IFNAR2: variants seen among roughly 807,000 people sequenced by gnomAD.
IFNAR2 encodes the protein interferon alpha/beta receptor 2.
A neutral mutation model predicts 49.4 loss-of-function variants in IFNAR2; 30 were observed. The ratio of observed to expected loss-of-function variants is 0.61; its 90% CI spans 0.45 to 0.82. The LOEUF (loss-of-function observed/expected upper bound fraction) is 0.82. Among genes scored for constraint, IFNAR2 ranks in the 40% least tolerant of loss-of-function variants. The pLI, the probability that IFNAR2 is intolerant of heterozygous loss-of-function variation, is 0.00. For missense variants in IFNAR2, 600 were observed against 622.7 expected, an observed-to-expected ratio of 0.96 and a Z score of 0.39; for synonymous variants, 224 against 234.5, an observed-to-expected ratio of 0.96 and a Z score of 0.41.
intron 6 of IFNAR2, among the ~76,000 whole-genome samples, chr21:33,250,342 T>A (rs1987754533): frequency 6.6e-6 from 1 of 152,134 alleles, no homozygotes; most frequent in East Asian, 1.9e-4. Flanking sequence ...TGTTGCTTAT[T>A]AGGATATTGA....
intron 8 of IFNAR2, chr21:33,262,458 G>A (rs2123538563): frequency 3.2e-6 from 2 of 623,796 alleles, no homozygotes; most frequent in East Asian, 5.5e-5. Flanking sequence ...GTCATGCCCA[G>A]CATATAGTAA....
rs1987064548 is a variant in IFNAR2 at position 33,242,765 on chromosome 21, GTGTGTGTGTGTGTGTGTGTGTGT to G, written c.55+789_55+811del. Among the ~76,000 whole-genome samples the G allele has an allele frequency of 4.4e-4, 4 of 9,076 alleles. 1 individual carries two copies. The highest frequency in any genetic ancestry group is 1.9e-3 in the Admixed American group (3 of 1,542). 6.0% of individuals were successfully genotyped at this position (9,076 alleles called of 152,430 possible). On this transcript the variant is annotated intron_variant, in intron 2 of 8. Coordinates refer to ENST00000342136, the MANE Select transcript of IFNAR2 (RefSeq NM_001289125.3). ...AAAAAAAAATCTCGTGTGCGTGTGT[GTGTGTGTGTGTGTGTGTGTGTGT>G]GTGTGTGTGTGTGTGTTTTGAGGCA...
At chr21:33,238,350 C>G (rs1434729933) in intron 1 of IFNAR2, among the ~76,000 whole-genome samples, 1 of 152,140 alleles carries the variant, frequency 6.6e-6, no homozygotes, top group Non-Finnish European at 1.5e-5. Flanking sequence ...CCTATGTCAC[C>G]AGCCACAGAC....
chr21:33,251,560 A>G, intron 6 of IFNAR2: 4 of 985,370 alleles, frequency 4.1e-6, no homozygotes, highest in Non-Finnish European at 4.8e-6. Flanking sequence ...TTGGGTCGTA[A>G]GTTTGTTTGT....
chr21:33,259,111 G>A (rs766875993), intron 7 of IFNAR2, among the ~76,000 whole-genome samples: 1 of 151,998 alleles, frequency 6.6e-6, no homozygotes, highest in Non-Finnish European at 1.5e-5. Context: ...TCAGCCCTCT[G>A]CTTGTGAGGT....
chr21:33,258,368 G>A (rs1056448610), intron 7 of IFNAR2, among the ~76,000 whole-genome samples: 5 of 152,252 alleles, frequency 3.3e-5, no homozygotes, highest in African/African-American at 7.2e-5. Context: ...AGCAGAGGTC[G>A]CAGAGTGAGG....
intron 2 of IFNAR2, among the ~76,000 whole-genome samples, chr21:33,242,342 T>G (rs1244805312): frequency 6.6e-6 from 1 of 152,242 alleles, no homozygotes; most frequent in Non-Finnish European, 1.5e-5. Context: ...TTATTCATAT[T>G]CTGTGAATAT....
At chr21:33,254,501 T>C (rs1237929382) in intron 7 of IFNAR2, among the ~76,000 whole-genome samples, 2 of 152,168 alleles carry the variant, frequency 1.3e-5, no homozygotes. Context: ...CAGGTGTTCT[T>C]CCTGATCCAA....
chr21:33,238,623 C>G (rs551021599), intron 1 of IFNAR2, among the ~76,000 whole-genome samples: 1 of 152,020 alleles, frequency 6.6e-6, no homozygotes, highest in African/African-American at 2.4e-5. Context: ...AAAGAAAATA[C>G]CTTTAAATCT....
rs549732296 is a variant in IFNAR2 at position 33,250,968 on chromosome 21, G to A, written c.541-1694G>A. Among the ~76,000 whole-genome samples, 14 of 152,200 alleles carry A rather than the reference G, an allele frequency of 9.2e-5. 1 individual carries two copies. Among genetic ancestry groups the A allele is most frequent in the South Asian group, 4.1e-4 (2 of 4,826 alleles). On this transcript the variant is annotated intron_variant, in intron 6 of 8. Transcript: ENST00000342136. ...GGGACATGTTAAATTCCAGGTGTCC[G>A]TAAGGAATCTAGGAGGAGACGTGGG...
In IFNAR2 at chr21:33,230,429, C is replaced by CGGGAGGG; in HGVS notation, c.-84+213_-84+214insGGGAGGG. On this transcript the variant is annotated intron_variant, in intron 1 of 8. Transcript: ENST00000342136. This position sits in a 1 kb window ranked among gnomAD's most constrained non-coding sequence, Gnocchi z 5.5. Reference sequence around the variant, plus strand: ...GGGCCGCACCTGCGACCCCAGGACCCCTCCCGGGCCCTGTCCTGCGCCCTC... The same window carrying CGGGAGGG: ...GGGCCGCACCTGCGACCCCAGGACCCGGGAGGGCTCCCGGGCCCTGTCCTGCGCCCTC... The CGGGAGGG allele has an allele frequency of 2.2e-6, 1 of 462,414 alleles. No individual in the cohort carries two copies. Among genetic ancestry groups the CGGGAGGG allele is most frequent in the Non-Finnish European group, 4.3e-6 (1 of 231,812 alleles). 28.6% of individuals were successfully genotyped at this position (462,414 alleles called of 1,614,324 possible). A position where few individuals can be genotyped will look rare whatever the true frequency, so the allele number is the denominator to read the frequency against.
intron 6 of IFNAR2, chr21:33,251,586 C>T: frequency 1.0e-6 from 1 of 985,336 alleles, no homozygotes. Flanking sequence ...AACTCCTCCT[C>T]CCAAACAGAA....
rs3191758 is a variant in IFNAR2, at chr21:33,264,956, A to C, written c.*1456A>C. On this transcript the variant is annotated 3_prime_UTR_variant, in exon 9 of 9. Coordinates refer to ENST00000342136, the MANE Select transcript of IFNAR2 (RefSeq NM_001289125.3). ...CAGTGAGCCAAGATCATGTCACTGC[A>C]CTTCAGCCTGGGTGACAGAACCAGA... 0.014 allele frequency: 2,079 copies of C among 152,424 alleles called. 30 individuals are homozygous for C. Among genetic ancestry groups the C allele is most frequent in the South Asian group, 0.062 (300 of 4,834 alleles). 9.4% of individuals were successfully genotyped at this position (152,424 alleles called of 1,614,324 possible). A position where few individuals can be genotyped will look rare whatever the true frequency, so the allele number is the denominator to read the frequency against.
intron 3 of IFNAR2, 72 bp downstream of exon 3, chr21:33,243,786 T>C: frequency 9.5e-7 from 1 of 1,048,852 alleles, no homozygotes; most frequent in South Asian, 1.3e-5. Context: ...TTCAGAGGTA[T>C]AAAATGTGGG....
chr21:33,238,062 A>G (rs112834283), intron 1 of IFNAR2, among the ~76,000 whole-genome samples: 8 of 152,270 alleles, frequency 5.3e-5, no homozygotes, highest in East Asian at 3.9e-4. Context: ...ATAACTCACA[A>G]TCTTCCTGCG....
Position 33,245,856 on chromosome 21 carries a change from T to G in IFNAR2, c.221+782T>G, listed in dbSNP as rs145299237. ...AAAAGTTTTTCTCTGCATTGAGTGG[T>G]CACATGTATCATCCAACTAACTGAA... On this transcript the variant is annotated intron_variant, in intron 4 of 8. Coordinates refer to ENST00000342136, the MANE Select transcript of IFNAR2 (RefSeq NM_001289125.3). Among the ~76,000 whole-genome samples the G allele has an allele frequency of 2.9e-3, 441 of 152,296 alleles. 3 individuals are homozygous for G. Among genetic ancestry groups the G allele is most frequent in the African/African-American group, 9.8e-3 (409 of 41,564 alleles).
chr21:33,256,065 C>G (rs985441800), intron 7 of IFNAR2, among the ~76,000 whole-genome samples: 1 of 152,150 alleles, frequency 6.6e-6, no homozygotes. Flanking sequence ...AATTAGTGAC[C>G]TGGCAGACAG....
At position 33,252,288 on chromosome 21, in the gene IFNAR2, G is replaced by T. The variant is rs540606708; in HGVS notation, c.541-374G>T. 4.1e-4 allele frequency: 186 copies of T among 456,270 alleles called. 5 individuals are homozygous for T. Among genetic ancestry groups the T allele is most frequent in the South Asian group, 3.3e-3 (181 of 54,620 alleles). 28.3% of individuals were successfully genotyped at this position (456,270 alleles called of 1,614,324 possible). A position where few individuals can be genotyped will look rare whatever the true frequency, so the allele number is the denominator to read the frequency against. On this transcript the variant is annotated intron_variant, in intron 6 of 8. Transcript: ENST00000342136. The stretch of plus-strand genomic sequence containing the variant: ...GCAGACTGTTTTGAAAGTCAAAAGG[G>T]TTAATGTTTATGAAGGCACTTTCTC...
In IFNAR2 at chr21:33,252,738, A is replaced by G; in HGVS notation, c.617A>G (p.Tyr206Cys). The G allele has an allele frequency of 1.2e-6, 2 of 1,613,188 alleles. No homozygotes were observed. Among genetic ancestry groups the G allele is most frequent in the South Asian group, 1.1e-5 (1 of 91,062 alleles). Residue 206 changes from tyrosine to cysteine, a missense_variant, in exon 7 of 9, where the codon TAC becomes TGC. By Grantham distance (194) the Tyr-to-Cys change is radical. Coordinates refer to ENST00000342136, the MANE Select transcript of IFNAR2 (RefSeq NM_001289125.3). Reference sequence around the variant, plus strand: ...GACAAGTTAATTCCAAACACGAACTACTGTGTATCTGTTTATTTAGAGCAC... The same window carrying G: ...GACAAGTTAATTCCAAACACGAACTGCTGTGTATCTGTTTATTTAGAGCAC... ...IIDKLIPNTN[Y>C]CVSVYLEHSD...
Sources: allele counts gnomAD v4.1 joint callset (sites outside exome capture counted in the v4.1 genomes callset), GRCh38; gene constraint gnomAD v4.1.1; non-coding constraint Gnocchi (gnomAD v3.1); transcripts MANE v1.5; gene names NCBI Gene and HGNC (gene_info 2026-07-23, HGNC 2026-07-21).